P2RY12: variants seen among roughly 807,000 people sequenced by gnomAD.
P2RY12 encodes the protein purinergic receptor P2Y12.
Under a neutral mutation model 4.5 loss-of-function variants are expected in P2RY12, and 3 were observed. The ratio of observed to expected loss-of-function variants is 0.67; its 90% CI spans 0.31 to 1.74. The LOEUF (loss-of-function observed/expected upper bound fraction) is 1.74. Among genes scored for constraint, P2RY12 ranks in the 40% most tolerant of loss-of-function variants. The pLI is 0.09. For missense variants in P2RY12, 356 were observed against 407.8 expected (o/e 0.87, Z 1.09); for synonymous variants, 148 against 154.1 (o/e 0.96, Z 0.29).
In P2RY12 at chr3:151,355,888, T is replaced by C. The variant is rs1344085579; in HGVS notation, c.-179-15128A>G. 3.1e-6 allele frequency: 5 copies of C among 1,601,454 alleles called. No individual in the cohort carries two copies. In the South Asian group the frequency reaches 5.7e-5, roughly 18 times the overall value. On this transcript the variant is annotated intron_variant, in intron 1 of 2. Transcript: ENST00000302632. ...GGTCTTACAATATTTTTGTTTTTAT[T>C]TGCACAGATTTCTAACAATGTGCTA...
chr3:151,369,558 A>T, intron 1 of P2RY12: 1 of 1,557,690 alleles, frequency 6.4e-7, no homozygotes, highest in Non-Finnish European at 8.8e-7. Flanking sequence ...TGGTAAGATT[A>T]TTCTGACCCT....
At chr3:151,343,176 C>A (rs1752090553) in intron 1 of P2RY12, among the ~76,000 whole-genome samples, 1 of 152,116 alleles carries the variant, frequency 6.6e-6, no homozygotes, top group African/African-American at 2.4e-5. Context: ...TCCTTTACAG[C>A]AAATTGTAAA....
chr3:151,342,015 A>G (rs886452764), intron 1 of P2RY12, among the ~76,000 whole-genome samples: 1 of 152,042 alleles, frequency 6.6e-6, no homozygotes. Context: ...CTTTGCTATT[A>G]TGAATAGTGC....
intron 1 of P2RY12, among the ~76,000 whole-genome samples, chr3:151,362,124 C>T (rs1754684641): frequency 1.3e-5 from 2 of 152,018 alleles, no homozygotes; most frequent in South Asian, 4.1e-4. Context: ...GCCCATTCTT[C>T]ACCCTCTCTT....
At chr3:151,372,908 A>G in intron 1 of P2RY12, 1 of 620,130 alleles carries the variant, frequency 1.6e-6, no homozygotes, top group South Asian at 2.3e-5. Context: ...AGTTTGCTGA[A>G]AAGTTGCAAG....
intron 1 of P2RY12, among the ~76,000 whole-genome samples, chr3:151,371,177 G>A (rs1424676960): frequency 6.6e-6 from 1 of 151,990 alleles, no homozygotes; most frequent in African/African-American, 2.4e-5. Flanking sequence ...CTTATTTGCA[G>A]AAGCTCTAAT....
chr3:151,384,241 T>G, intron 1 of P2RY12: 1 of 1,581,854 alleles, frequency 6.3e-7, no homozygotes. Flanking sequence ...TCAGCCTGTA[T>G]TATGAGCTCA....
At chr3:151,363,886 T>G (rs1396032771) in intron 1 of P2RY12, among the ~76,000 whole-genome samples, 1 of 152,156 alleles carries the variant, frequency 6.6e-6, no homozygotes, top group East Asian at 1.9e-4. Flanking sequence ...GAACAATCTC[T>G]GTTTTCTTAA....
chr3:151,376,862 C>A, intron 1 of P2RY12: 1 of 1,613,854 alleles, frequency 6.2e-7, no homozygotes, highest in Non-Finnish European at 8.5e-7. Context: ...TCAAACAGTG[C>A]TTGAAGGACC....
intron 1 of P2RY12, among the ~76,000 whole-genome samples, chr3:151,380,649 C>A (rs1336771502): frequency 6.6e-6 from 1 of 150,794 alleles, no homozygotes; most frequent in Non-Finnish European, 1.5e-5. Flanking sequence ...TTTGAGTAGA[C>A]GCTGAGAAAC....
At chr3:151,370,141 T>G (rs1755998517) in intron 1 of P2RY12, among the ~76,000 whole-genome samples, 1 of 152,192 alleles carries the variant, frequency 6.6e-6, no homozygotes, top group Non-Finnish European at 1.5e-5. Flanking sequence ...TTTACATCCT[T>G]ATTTGTAAGA....
At chr3:151,355,089 G>A in intron 1 of P2RY12, 1 of 1,534,692 alleles carries the variant, frequency 6.5e-7, no homozygotes, top group Non-Finnish European at 9.0e-7. Flanking sequence ...CTATTAAATG[G>A]AAAATAATGG....
At chr3:151,383,688 TA>T in intron 1 of P2RY12, 1 of 778,228 alleles carries the variant, frequency 1.3e-6, no homozygotes. Context: ...TTTTTTTAAA[TA>T]AAAAACAATC....
chr3:151,344,659 T>G (rs543555673), intron 1 of P2RY12, among the ~76,000 whole-genome samples: 12 of 152,304 alleles, frequency 7.9e-5, no homozygotes, highest in Non-Finnish European at 1.5e-4. Context: ...TAGGAAGTAC[T>G]GGGAAGTATG....
At chr3:151,354,136 G>A (rs71306551) in intron 1 of P2RY12, among the ~76,000 whole-genome samples, 69 of 53,324 alleles carry the variant, frequency 1.3e-3, no homozygotes, top group Admixed American at 5.6e-3. Flanking sequence ...GCGAGACTCC[G>A]TCTCAAAAAA....
At chr3:151,369,369 C>T (rs988009831) in intron 1 of P2RY12, 1 of 1,112,500 alleles carries the variant, frequency 9.0e-7, no homozygotes, top group Non-Finnish European at 1.3e-6. Context: ...GGCTGACTGC[C>T]TGTAAATAAT....
chr3:151,372,423 T>A, intron 1 of P2RY12: 1 of 628,918 alleles, frequency 1.6e-6, no homozygotes, highest in Non-Finnish European at 2.8e-6. Context: ...CTTGATCCAT[T>A]CTCTCTATTC....
chr3:151,356,630 TTTG>T lies in P2RY12; in HGVS notation c.-179-15873_-179-15871del, dbSNP rs1414782391. ...GTTTTGAGTGTTTCTTCTGTTTTTT[TTTG>T]TTGTTGTTGTTGTTTTTCTTTTGGT... On this transcript the variant is annotated intron_variant, in intron 1 of 2. Coordinates refer to ENST00000302632, the MANE Select transcript of P2RY12 (RefSeq NM_022788.5). Among the ~76,000 whole-genome samples the T allele has an allele frequency of 1.9e-4, 29 of 152,190 alleles. 1 individual carries two copies. Among genetic ancestry groups the T allele is most frequent in the South Asian group, 4.1e-4 (2 of 4,826 alleles).
chr3:151,356,225 C>T (rs976375536), intron 1 of P2RY12, among the ~76,000 whole-genome samples: 3 of 151,942 alleles, frequency 2.0e-5, no homozygotes. Context: ...CTTAGTGAGA[C>T]CCCATCTCCA....
Sources: gnomAD v4.1 joint callset for allele counts (sites outside exome capture counted in the v4.1 genomes callset) on GRCh38, gnomAD v4.1.1 for gene constraint, MANE v1.5 for transcripts, NCBI Gene and HGNC (gene_info 2026-07-23, HGNC 2026-07-21) for gene names.